GGNBP2: variants seen among roughly 807,000 people sequenced by gnomAD.
The protein encoded by GGNBP2 is gametogenetin-binding protein 2.
Under a neutral mutation model 85.9 loss-of-function variants are expected in GGNBP2, and 10 were observed. The ratio of observed to expected loss-of-function variants is 0.12; its 90% CI spans 0.07 to 0.20. The LOEUF (loss-of-function observed/expected upper bound fraction) is 0.20, where lower values mean the gene tolerates loss of function less well. GGNBP2 is among the 10% of genes least tolerant of loss of function. The pLI, the probability that GGNBP2 is intolerant of heterozygous loss-of-function variation, is 1.00. For missense variants in GGNBP2, 595 were observed against 857.8 expected (o/e 0.69, Z 3.83); for synonymous variants, 287 against 285.7 (o/e 1.00, Z -0.05).
At chr17:36,554,787 A>T in intron 2 of GGNBP2, 33 bp from the exon 3 acceptor site, 6 of 1,316,018 alleles carry the variant, frequency 4.6e-6, no homozygotes, top group African/African-American at 1.4e-5. Context: ...AGAGGGGTAA[A>T]GTAATTGATT....
intron 2 of GGNBP2, among the ~76,000 whole-genome samples, chr17:36,547,988 G>A (rs1486302892): frequency 6.6e-6 from 1 of 152,184 alleles, no homozygotes; most frequent in Non-Finnish European, 1.5e-5. Flanking sequence ...GGGAGAGAAG[G>A]GGAAAAGGGA....
At chr17:36,567,061 T>G (rs2074475742) in intron 5 of GGNBP2, among the ~76,000 whole-genome samples, 1 of 152,092 alleles carries the variant, frequency 6.6e-6, no homozygotes, top group Non-Finnish European at 1.5e-5. Flanking sequence ...GATCAAAACT[T>G]CTTAGAATTT....
chr17:36,583,637 A>G (rs976823744), intron 9 of GGNBP2, among the ~76,000 whole-genome samples: 1 of 151,076 alleles, frequency 6.6e-6, no homozygotes, highest in African/African-American at 2.4e-5. Context: ...TTTTTTTTGT[A>G]TTTTTAGTAG....
chr17:36,546,138 G>A lies in GGNBP2; in HGVS notation c.93+321G>A, dbSNP rs2074252249. ...CTCAGAGAGGGGTTGAAGGATCTTGGGCGTTTAGGGCCTACCCCATACAGA... is the reference window on the plus strand; with the variant it reads ...CTCAGAGAGGGGTTGAAGGATCTTGAGCGTTTAGGGCCTACCCCATACAGA... On this transcript the variant is annotated intron_variant, in intron 2 of 13. Transcript: ENST00000613102. 7.1e-6 allele frequency: 3 copies of A among 422,494 alleles called. No individual in the cohort carries two copies. In the South Asian group the frequency reaches 2.4e-4, roughly 34 times the overall value. 26.2% of individuals were successfully genotyped at this position (422,494 alleles called of 1,614,324 possible).
intron 4 of GGNBP2, among the ~76,000 whole-genome samples, chr17:36,560,271 T>C (rs372330729): frequency 1.3e-5 from 2 of 152,312 alleles, no homozygotes; most frequent in South Asian, 4.1e-4. Flanking sequence ...TTCTAGATAA[T>C]ATTTAAAAGG....
intron 2 of GGNBP2, among the ~76,000 whole-genome samples, chr17:36,549,864 G>A (rs1052694333): frequency 2.0e-5 from 3 of 151,834 alleles, no homozygotes; most frequent in Non-Finnish European, 4.4e-5. Context: ...TTTTGGAAGT[G>A]GAATTACTGG....
intron 13 of GGNBP2, 89 bp from the exon 14 acceptor site, chr17:36,589,117 GTT>G: frequency 1.2e-6 from 1 of 864,620 alleles, no homozygotes; most frequent in Admixed American, 2.0e-5. Context: ...AAACTAAAAA[GTT>G]AGACTGGTTT....
chr17:36,569,394 C>G (rs1194037331), intron 6 of GGNBP2, among the ~76,000 whole-genome samples: 1 of 152,144 alleles, frequency 6.6e-6, no homozygotes, highest in African/African-American at 2.4e-5. Flanking sequence ...CGGAGCAAGA[C>G]TCCGTCTCAA....
rs1178769322 is a variant in GGNBP2 at position 36,579,241 on chromosome 17, A to G, written c.846-4A>G. The G allele has an allele frequency of 3.1e-6, 5 of 1,612,672 alleles. No homozygotes were observed. Among genetic ancestry groups the G allele is most frequent in the South Asian group, 1.1e-5 (1 of 91,044 alleles). On this transcript the variant is annotated splice_polypyrimidine_tract_variant and splice_region_variant and intron_variant, in intron 7 of 13. Coordinates refer to ENST00000613102, the MANE Select transcript of GGNBP2 (RefSeq NM_024835.5). ...TATTAGTGTGTGATTATTCCCTTTT[A>G]TAGGCGAAGAGAAAGGCATGCAAAG...
At chr17:36,558,414 CAAAAA>C (rs755597241) in intron 4 of GGNBP2, among the ~76,000 whole-genome samples, 1 of 18,974 alleles carries the variant, frequency 5.3e-5, no homozygotes, top group African/African-American at 2.0e-4. Flanking sequence ...AGCTCCATCT[CAAAAA>C]AAAAAAAAAA....
chr17:36,575,015 A>C (rs2074562412), intron 6 of GGNBP2: 2 of 1,529,276 alleles, frequency 1.3e-6, no homozygotes, highest in East Asian at 4.7e-5. Flanking sequence ...CACTGGCATA[A>C]TCTTCAAAAC....
At chr17:36,548,676 G>A (rs1484619558) in intron 2 of GGNBP2, among the ~76,000 whole-genome samples, 2 of 144,970 alleles carry the variant, frequency 1.4e-5, no homozygotes, top group African/African-American at 2.5e-5. Context: ...CGGTGCTGTG[G>A]CTCATGCCTG....
At chr17:36,562,990 G>A (rs2074434186) in intron 5 of GGNBP2, among the ~76,000 whole-genome samples, 1 of 148,934 alleles carries the variant, frequency 6.7e-6, no homozygotes, top group African/African-American at 2.5e-5. Context: ...AAAAGGCTGG[G>A]CGTGGTGGCT....
At chr17:36,570,293 A>G (rs2142745208) in intron 6 of GGNBP2, among the ~76,000 whole-genome samples, 1 of 152,334 alleles carries the variant, frequency 6.6e-6, no homozygotes, top group Non-Finnish European at 1.5e-5. Flanking sequence ...TGAGAGTATC[A>G]CTTGAGCCCA....
chr17:36,586,156 AAAGAAG>A lies in GGNBP2; in HGVS notation c.1608_1613del (p.Lys537_Lys538del). The A allele has an allele frequency of 6.2e-7, 1 of 1,612,724 alleles. No individual in the cohort carries two copies. The highest frequency in any genetic ancestry group is 8.5e-7 in the Non-Finnish European group (1 of 1,179,582). On this transcript the variant is annotated inframe_deletion, in exon 12 of 14. Coordinates refer to ENST00000613102, the MANE Select transcript of GGNBP2 (RefSeq NM_024835.5). Reference sequence around the variant, plus strand: ...AGAACGACACAAAAGGAAAAAATAAAAAGAAGAAGAAGAAAAGCAAGATACTGAAAT... The same window carrying A: ...AGAACGACACAAAAGGAAAAAATAAAAAGAAGAAAAGCAAGATACTGAAAT...
intron 9 of GGNBP2, among the ~76,000 whole-genome samples, chr17:36,584,220 G>A (rs1221472253): frequency 4.6e-5 from 7 of 152,090 alleles, no homozygotes; most frequent in East Asian, 1.9e-4. Flanking sequence ...TCATTTATTC[G>A]TTCAAGTGAA....
chr17:36,579,392 T>C lies in GGNBP2; in HGVS notation c.993T>C (p.Gly331=), dbSNP rs2074622727. The C allele has an allele frequency of 6.2e-7, 1 of 1,614,170 alleles. No homozygotes were observed. Among genetic ancestry groups the C allele is most frequent in the Non-Finnish European group, 8.5e-7 (1 of 1,180,028 alleles). Residue 331 remains glycine (G), a synonymous_variant, in exon 8 of 14, where the codon GGT becomes GGC. Transcript: ENST00000613102. ...EQTWQMLFYL[G]VDALRKSFEM... is the part of the protein sequence containing the mutation. ...CATGGCAGATGCTTTTCTATCTTGG[T>C]GTTGATGCTTTACGCAAGAGTTTTG... is the stretch of plus-strand genomic sequence containing the variant.
At chr17:36,571,576 TCACGCCTGTAATCCCAG>T (rs1223973667) in intron 6 of GGNBP2, among the ~76,000 whole-genome samples, 18 of 151,898 alleles carry the variant, frequency 1.2e-4, no homozygotes, top group African/African-American at 4.3e-4. Context: ...GTGCCATGGC[TCACGCCTGTAATCCCAG>T]CACTTTGGGA....
intron 6 of GGNBP2, among the ~76,000 whole-genome samples, chr17:36,575,646 A>T (rs1412567261): frequency 0.093 from 5,024 of 54,248 alleles, 306 homozygotes; most frequent in African/African-American, 0.15. Flanking sequence ...ATATATATAT[A>T]TATTTTTTTT....
Sources: allele counts gnomAD v4.1 joint callset (sites outside exome capture counted in the v4.1 genomes callset), GRCh38; gene constraint gnomAD v4.1.1; transcripts MANE v1.5; gene names NCBI Gene and HGNC (gene_info 2026-07-23, HGNC 2026-07-21).